STXBP5L: variants seen among roughly 807,000 people sequenced by gnomAD.
STXBP5L encodes syntaxin-binding protein 5-like.
STXBP5L carries 65 observed loss-of-function variants against 144.5 expected under a neutral mutation model. The ratio of observed to expected loss-of-function variants is 0.45; its 90% CI spans 0.37 to 0.55. STXBP5L has a LOEUF of 0.55. STXBP5L is among the 20% of genes least tolerant of loss of function. The probability of loss-of-function intolerance (pLI) is 0.00; values close to 1 mark genes in which losing one functional copy is unlikely to be tolerated. For missense variants in STXBP5L, 1,298 were observed against 1,405.5 expected, an observed-to-expected ratio of 0.92 and a Z score of 1.22; for synonymous variants, 505 against 469.6, an observed-to-expected ratio of 1.08 and a Z score of -0.97.
At chr3:121,093,492 T>A (rs1470854888) in intron 5 of STXBP5L, among the ~76,000 whole-genome samples, 5 of 152,226 alleles carry the variant, frequency 3.3e-5, no homozygotes, top group African/African-American at 1.2e-4. Context: ...CTTCCTGGTT[T>A]AGTCTTGGGA....
chr3:121,390,337 A>G (rs2046548433), intron 22 of STXBP5L, among the ~76,000 whole-genome samples: 2 of 152,288 alleles, frequency 1.3e-5, no homozygotes, highest in Non-Finnish European at 2.9e-5. Flanking sequence ...TTGACTCTTC[A>G]TCCAATTTGC....
intron 20 of STXBP5L, among the ~76,000 whole-genome samples, chr3:121,375,731 G>A (rs2046162787): frequency 6.6e-6 from 1 of 152,108 alleles, no homozygotes; most frequent in South Asian, 2.1e-4. Flanking sequence ...GGGAATCCAG[G>A]AAATGTACAA....
chr3:121,025,932 T>C (rs1945898891), intron 3 of STXBP5L, among the ~76,000 whole-genome samples: 1 of 119,242 alleles, frequency 8.4e-6, no homozygotes, highest in African/African-American at 3.6e-5. Flanking sequence ...ATCTATAATT[T>C]TATAAATTAT....
intron 12 of STXBP5L, among the ~76,000 whole-genome samples, chr3:121,238,459 C>T (rs1342256669): frequency 6.6e-6 from 1 of 152,184 alleles, no homozygotes; most frequent in Non-Finnish European, 1.5e-5. Flanking sequence ...AAACACCTCT[C>T]ATTAGGCTCC....
intron 2 of STXBP5L, among the ~76,000 whole-genome samples, chr3:120,938,632 G>A (rs1208769061): frequency 6.6e-6 from 1 of 152,056 alleles, no homozygotes. Context: ...TTTGTCTCTG[G>A]TCTTAAATTC....
At chr3:121,053,708 C>A (rs1181964217) in intron 5 of STXBP5L, among the ~76,000 whole-genome samples, 1 of 152,156 alleles carries the variant, frequency 6.6e-6, no homozygotes, top group Non-Finnish European at 1.5e-5. Flanking sequence ...GCACCAAAAG[C>A]AATGACAACA....
At chr3:121,389,977 A>C (rs1275898182) in intron 22 of STXBP5L, among the ~76,000 whole-genome samples, 1 of 152,180 alleles carries the variant, frequency 6.6e-6, no homozygotes, top group African/African-American at 2.4e-5. Flanking sequence ...TCTAATGTTG[A>C]CAGTGGGGTG....
chr3:121,191,253 G>A (rs559859057), intron 9 of STXBP5L, among the ~76,000 whole-genome samples: 4 of 152,332 alleles, frequency 2.6e-5, no homozygotes, highest in South Asian at 4.1e-4. Flanking sequence ...GGGCAACATT[G>A]AACACTGAGT....
In STXBP5L at chr3:121,193,045, A is replaced by T. The variant is rs1381818765; in HGVS notation, c.878-12878A>T. Among the ~76,000 whole-genome samples, 2 of 142,748 alleles carry T rather than the reference A, an allele frequency of 1.4e-5. 1 individual carries two copies. Among genetic ancestry groups the T allele is most frequent in the Non-Finnish European group, 3.1e-5 (2 of 65,530 alleles). The allele number at this position is 142,748 out of a possible 152,430, so 93.6% of individuals were successfully genotyped here. A position where few individuals can be genotyped will look rare whatever the true frequency, so the allele number is the denominator to read the frequency against. The stretch of plus-strand genomic sequence containing the variant: ...TCACAGTGAATAGGCAACCTACAGA[A>T]TGGGAGAAAATTTTTACAATCTACC... On this transcript the variant is annotated intron_variant, in intron 9 of 26. Transcript: ENST00000471454.
chr3:121,197,969 T>C (rs1180801211), intron 9 of STXBP5L, among the ~76,000 whole-genome samples: 1 of 152,208 alleles, frequency 6.6e-6, no homozygotes, highest in African/African-American at 2.4e-5. Context: ...CATGCATGTG[T>C]CTTTATAGTA....
chr3:121,312,976 C>T (rs2043598212), intron 19 of STXBP5L, among the ~76,000 whole-genome samples: 1 of 152,204 alleles, frequency 6.6e-6, no homozygotes, highest in African/African-American at 2.4e-5. Flanking sequence ...AGCCGCTGGG[C>T]ACACCTCCCA....
At chr3:120,951,392 C>T (rs909341423) in intron 2 of STXBP5L, among the ~76,000 whole-genome samples, 40 of 152,146 alleles carry the variant, frequency 2.6e-4, no homozygotes, top group Non-Finnish European at 4.4e-4. Context: ...AGAAAATTTT[C>T]GCAACCTACT....
chr3:120,945,638 G>A (rs528038205), intron 2 of STXBP5L, among the ~76,000 whole-genome samples: 11 of 151,870 alleles, frequency 7.2e-5, no homozygotes, highest in African/African-American at 2.2e-4. Flanking sequence ...GCCAAGCCAT[G>A]TATGCATCTG....
intron 2 of STXBP5L, among the ~76,000 whole-genome samples, chr3:120,937,556 G>A (rs1710328274): frequency 1.3e-5 from 2 of 152,154 alleles, no homozygotes; most frequent in Admixed American, 6.6e-5. Context: ...ATATCTGCCT[G>A]TCTGTCTCTC....
At chr3:121,279,399 AT>A (rs907547116) in intron 18 of STXBP5L, among the ~76,000 whole-genome samples, 10 of 151,926 alleles carry the variant, frequency 6.6e-5, no homozygotes, top group African/African-American at 2.4e-4. Context: ...TCTAGTAGTT[AT>A]AATTTTATTT....
At chr3:121,051,707 G>A (rs958542049) in intron 5 of STXBP5L, among the ~76,000 whole-genome samples, 1 of 152,070 alleles carries the variant, frequency 6.6e-6, no homozygotes, top group Admixed American at 6.6e-5. Context: ...ACATTCAAAA[G>A]CTAGCAGAAG....
chr3:120,925,255 T>C (rs1709560142), intron 2 of STXBP5L: 2 of 152,184 alleles, frequency 1.3e-5, no homozygotes, highest in Non-Finnish European at 2.9e-5. Context: ...CTCGAGTGGG[T>C]TGCTGAAGTA....
At chr3:121,071,684 C>T (rs1196104081) in intron 5 of STXBP5L, among the ~76,000 whole-genome samples, 7 of 152,314 alleles carry the variant, frequency 4.6e-5, no homozygotes, top group African/African-American at 1.4e-4. Flanking sequence ...CCAGAGTCTC[C>T]AGGTTGGAAG....
intron 5 of STXBP5L, among the ~76,000 whole-genome samples, chr3:121,080,917 G>A (rs551105287): frequency 6.6e-6 from 1 of 152,090 alleles, no homozygotes; most frequent in Non-Finnish European, 1.5e-5. Flanking sequence ...TCCCTATCAA[G>A]GCCAGCAAAG....
Sources: gnomAD v4.1 joint callset for allele counts (sites outside exome capture counted in the v4.1 genomes callset) on GRCh38, gnomAD v4.1.1 for gene constraint, MANE v1.5 for transcripts, NCBI Gene and HGNC (gene_info 2026-07-23, HGNC 2026-07-21) for gene names.